PLEKHG7: variants seen among roughly 807,000 people sequenced by gnomAD.
The protein encoded by PLEKHG7 is pleckstrin homology and RhoGEF domain containing G7, also known as pleckstrin homology domain-containing family G member 7.
PLEKHG7 carries 77 observed loss-of-function variants against 85.2 expected under a neutral mutation model. The ratio of observed to expected loss-of-function variants is 0.90; its 90% CI spans 0.75 to 1.09. PLEKHG7 has a LOEUF of 1.09. PLEKHG7 is among the 50% of genes least tolerant of loss of function. PLEKHG7 has a pLI of 0.00. For synonymous variants in PLEKHG7, 301 were observed against 302.4 expected, an observed-to-expected ratio of 1.00 and a Z score of 0.05; for missense variants, 777 against 804.3, an observed-to-expected ratio of 0.97 and a Z score of 0.41.
At chr12:92,710,765 A>G (rs1263883569) in intron 3 of PLEKHG7, among the ~76,000 whole-genome samples, 1 of 152,192 alleles carries the variant, frequency 6.6e-6, no homozygotes, top group Non-Finnish European at 1.5e-5. Context: ...TGAGCTTATG[A>G]GTAACCTCCA....
In PLEKHG7 at chr12:92,707,666, C is replaced by T. The variant is rs1376524417; in HGVS notation, c.524C>T (p.Pro175Leu). 6.2e-7 allele frequency: 1 copy of T among 1,613,878 alleles called. No individual in the cohort carries two copies. Among genetic ancestry groups the T allele is most frequent in the African/African-American group, 1.3e-5 (1 of 75,038 alleles). ...TTATTTCAGGGAGAAGAATTGCACC[C>T]ATCCAGGTGTGTATGCATTTATTTT... ...HPSPQGEELHPSRFYEHRRSS... is the reference protein window; with the variant it reads ...HPSPQGEELHLSRFYEHRRSS... Residue 175 changes from proline (P) to leucine (L), a missense_variant, in exon 3 of 17, where the codon CCA (proline) becomes CTA (leucine). Pro to Leu is a moderately conservative substitution (Grantham distance 98). This residue lies in a region of PLEKHG7 where 252 missense variants were observed against 241.9 expected (regional missense o/e 1.04). Transcript: ENST00000344636.
At chr12:92,768,866 C>T (rs1480418238) in intron 15 of PLEKHG7, 117 bp from the exon 16 acceptor site, 3 of 647,750 alleles carry the variant, frequency 4.6e-6, no homozygotes, top group Non-Finnish European at 7.6e-6. Context: ...ACCTCCCACC[C>T]TCGTTAAAAC....
chr12:92,767,709 T>A (rs889303067), intron 15 of PLEKHG7, among the ~76,000 whole-genome samples: 1 of 152,202 alleles, frequency 6.6e-6, no homozygotes, highest in Non-Finnish European at 1.5e-5. Flanking sequence ...ACCTGGATTC[T>A]GAAAGAAGCC....
chr12:92,750,816 T>A (rs540197004), intron 10 of PLEKHG7, among the ~76,000 whole-genome samples: 6 of 152,222 alleles, frequency 3.9e-5, no homozygotes, highest in African/African-American at 1.4e-4. Flanking sequence ...ACCACAGTCA[T>A]TTGGAGGAGA....
At chr12:92,722,423 C>T (rs904578410) in intron 3 of PLEKHG7, among the ~76,000 whole-genome samples, 5 of 152,138 alleles carry the variant, frequency 3.3e-5, no homozygotes, top group African/African-American at 1.2e-4. Context: ...TTTTGATGAA[C>T]AAAATATATT....
At chr12:92,766,673 C>CA (rs999240629) in intron 15 of PLEKHG7, among the ~76,000 whole-genome samples, 16 of 151,584 alleles carry the variant, frequency 1.1e-4, no homozygotes, top group African/African-American at 3.4e-4. Context: ...TGAAAAAATA[C>CA]AAAAAAAATA....
chr12:92,721,127 G>A (rs1871628392), intron 3 of PLEKHG7, among the ~76,000 whole-genome samples: 1 of 152,204 alleles, frequency 6.6e-6, no homozygotes, highest in Non-Finnish European at 1.5e-5. Context: ...ACGTAACAAA[G>A]TGTCTAAGAA....
chr12:92,756,642 C>T (rs564167776), intron 13 of PLEKHG7, among the ~76,000 whole-genome samples: 6 of 152,292 alleles, frequency 3.9e-5, no homozygotes, highest in African/African-American at 1.4e-4. Flanking sequence ...ATTGTTAAAA[C>T]AACATACAAG....
chr12:92,744,670 T>G lies in PLEKHG7; in HGVS notation c.1138-808T>G, dbSNP rs894686733. Among the ~76,000 whole-genome samples, 9 of 150,784 alleles carry G rather than the reference T, an allele frequency of 6.0e-5. No individual in the cohort carries two copies. The East Asian group carries it at 1.6e-3, about 26-fold the overall frequency. Reference sequence around the variant, plus strand: ...GTCCCAAATTTCTTTTTTTTTTTTTTGTTTTTGGATATGGAGATGGAGTCT... The same window carrying G: ...GTCCCAAATTTCTTTTTTTTTTTTTGGTTTTTGGATATGGAGATGGAGTCT... On this transcript the variant is annotated intron_variant, in intron 9 of 16. Coordinates refer to ENST00000344636, the MANE Select transcript of PLEKHG7 (RefSeq NM_001377329.1).
At chr12:92,704,998 C>T (rs530560485) in intron 1 of PLEKHG7, among the ~76,000 whole-genome samples, 207 of 152,300 alleles carry the variant, frequency 1.4e-3, no homozygotes, top group Middle Eastern at 3.4e-3. Flanking sequence ...TCCTCCTCTA[C>T]TGATAGGAAT....
chr12:92,713,947 G>A (rs145566353), intron 3 of PLEKHG7, among the ~76,000 whole-genome samples: 1,683 of 152,232 alleles, frequency 0.011, 40 homozygotes, highest in African/African-American at 0.037. Flanking sequence ...CCAACTCTAT[G>A]TTCCTTCCAC....
intron 13 of PLEKHG7, 130 bp from the exon 14 acceptor site, chr12:92,761,611 GAAAGAAAGAAA>G: frequency 1.0e-6 from 1 of 972,870 alleles, no homozygotes; most frequent in Non-Finnish European, 1.4e-6. Flanking sequence ...GAAAGAAAAA[GAAAGAAAGAAA>G]GAAGAAAGAA....
rs541820618 is a variant in PLEKHG7 at position 92,736,568 on chromosome 12, C to T, written c.786C>T (p.Tyr262=). ...KITSFRGYDF[Y]GLKDKTWDEV... ...CCAGCTTCAGGGGCTATGACTTCTA[C>T]GGTCTTAAGGTATCTTTCAAACTGT... Residue 262 remains tyrosine (Y), a synonymous_variant, in exon 6 of 17, where the codon TAC becomes TAT. Coordinates refer to ENST00000344636, the MANE Select transcript of PLEKHG7 (RefSeq NM_001377329.1). 2.4e-5 allele frequency: 29 copies of T among 1,226,844 alleles called. No homozygotes were observed. Among genetic ancestry groups the T allele is most frequent in the Admixed American group, 4.2e-5 (1 of 23,710 alleles). The allele number at this position is 1,226,844 out of a possible 1,614,324, so 76.0% of individuals were successfully genotyped here.
chr12:92,768,155 C>A (rs1051755943), intron 15 of PLEKHG7, among the ~76,000 whole-genome samples: 2 of 150,986 alleles, frequency 1.3e-5, no homozygotes, highest in Non-Finnish European at 2.9e-5. Context: ...TACAGTGAGC[C>A]GAGATCCCGC....
intron 10 of PLEKHG7, among the ~76,000 whole-genome samples, chr12:92,747,152 T>C (rs1028958586): frequency 1.8e-4 from 27 of 151,456 alleles, no homozygotes; most frequent in Non-Finnish European, 5.9e-5. Flanking sequence ...ATACCTAGAA[T>C]ATACAAGGAA....
chr12:92,766,494 G>C (rs1342508411), intron 15 of PLEKHG7, among the ~76,000 whole-genome samples: 1 of 152,000 alleles, frequency 6.6e-6, no homozygotes, highest in Non-Finnish European at 1.5e-5. Context: ...CTTGAAAGAT[G>C]CATGTTTTTT....
chr12:92,722,492 G>A (rs1014451092), intron 3 of PLEKHG7, among the ~76,000 whole-genome samples: 1 of 152,108 alleles, frequency 6.6e-6, no homozygotes, highest in Non-Finnish European at 1.5e-5. Flanking sequence ...TCCAGAATTA[G>A]CATTAGTGGG....
intron 13 of PLEKHG7, 115 bp downstream of exon 13, chr12:92,756,506 G>A (rs937975343): frequency 4.9e-6 from 4 of 809,332 alleles, no homozygotes; most frequent in East Asian, 4.9e-5. Context: ...AGGTGATGGA[G>A]GGTGTGAATG....
intron 3 of PLEKHG7, among the ~76,000 whole-genome samples, chr12:92,712,118 G>A (rs947881287): frequency 1.3e-5 from 2 of 152,214 alleles, no homozygotes; most frequent in East Asian, 3.8e-4. Context: ...GCATGCAAAT[G>A]TGTCACCAAT....
Sources: gnomAD v4.1 joint callset for allele counts (sites outside exome capture counted in the v4.1 genomes callset) on GRCh38, gnomAD v4.1.1 for gene constraint, gnomAD v4.1.1 regional missense constraint, MANE v1.5 for transcripts, NCBI Gene and HGNC (gene_info 2026-07-23, HGNC 2026-07-21) for gene names.